NPAS3: variants seen among roughly 807,000 people sequenced by gnomAD.
NPAS3 encodes neuronal PAS domain-containing protein 3.
A neutral mutation model predicts 73.1 loss-of-function variants in NPAS3; 14 were observed. The observed-to-expected ratio is 0.19, with a 90% CI of 0.13 to 0.30. The LOEUF (loss-of-function observed/expected upper bound fraction) is 0.30. NPAS3 is among the 10% of genes least tolerant of loss of function. The pLI is 1.00. For missense variants in NPAS3, 1,096 were observed against 1,250.0 expected (o/e 0.88, Z 1.86); for synonymous variants, 620 against 541.5 (o/e 1.14, Z -2.01).
intron 6 of NPAS3, among the ~76,000 whole-genome samples, chr14:33,692,592 C>A (rs1406880491): frequency 6.6e-6 from 1 of 151,996 alleles, no homozygotes; most frequent in African/African-American, 2.4e-5. Flanking sequence ...TAGAGAACCA[C>A]AAAAGCTTAC....
chr14:33,700,032 ACTAACTTGTTCCCT>A (rs1457277440), intron 6 of NPAS3, among the ~76,000 whole-genome samples: 4 of 152,172 alleles, frequency 2.6e-5, no homozygotes, highest in Non-Finnish European at 5.9e-5. Flanking sequence ...CAAACTTCAT[ACTAACTTGTTCCCT>A]CTGGGGAAGG....
intron 5 of NPAS3, among the ~76,000 whole-genome samples, chr14:33,644,400 G>A (rs2058763486): frequency 6.6e-6 from 1 of 152,328 alleles, no homozygotes; most frequent in East Asian, 1.9e-4. Context: ...AGTTATGCCT[G>A]TGTAGTGAGC....
intron 3 of NPAS3, 190 bp downstream of exon 3, chr14:33,215,616 T>G (rs368233915): frequency 5.4e-6 from 4 of 747,448 alleles, no homozygotes; most frequent in Non-Finnish European, 7.2e-6. Flanking sequence ...TTTTCTATTT[T>G]ATTTTCAAAA....
At chr14:33,267,975 C>G (rs533932358) in intron 3 of NPAS3, among the ~76,000 whole-genome samples, 18 of 152,302 alleles carry the variant, frequency 1.2e-4, no homozygotes, top group Middle Eastern at 3.4e-3. Context: ...TTCATTTTAT[C>G]TCCTACTGTA....
chr14:33,721,981 G>A (rs1389494051), intron 6 of NPAS3, among the ~76,000 whole-genome samples: 3 of 152,250 alleles, frequency 2.0e-5, no homozygotes, highest in East Asian at 3.9e-4. Context: ...CCCAGAACAA[G>A]GGCAACCATA....
At chr14:33,687,083 A>G (rs1307174478) in intron 6 of NPAS3, among the ~76,000 whole-genome samples, 2 of 152,200 alleles carry the variant, frequency 1.3e-5, no homozygotes, top group African/African-American at 4.8e-5. Context: ...TGGAATTAAG[A>G]TAACATTTAG....
intron 7 of NPAS3, among the ~76,000 whole-genome samples, chr14:33,747,135 A>G (rs551442101): frequency 4.6e-5 from 7 of 152,102 alleles, no homozygotes; most frequent in Admixed American, 3.3e-4. Flanking sequence ...AGACACATGC[A>G]CACGTATGTT....
chr14:33,331,293 C>T (rs556691451), intron 3 of NPAS3, among the ~76,000 whole-genome samples: 13 of 152,200 alleles, frequency 8.5e-5, no homozygotes, highest in South Asian at 4.2e-4. Context: ...AAAGGGGGGC[C>T]GCTTCTTTAA....
intron 3 of NPAS3, among the ~76,000 whole-genome samples, chr14:33,276,410 G>A (rs1225422172): frequency 6.6e-6 from 1 of 152,098 alleles, no homozygotes; most frequent in East Asian, 1.9e-4. Context: ...AGAAGGAAAT[G>A]CAAAATCAAC....
At chr14:33,162,836 C>A (rs1443110294) in intron 2 of NPAS3, among the ~76,000 whole-genome samples, 1 of 152,178 alleles carries the variant, frequency 6.6e-6, no homozygotes, top group African/African-American at 2.4e-5. Context: ...TATTTTTCCT[C>A]CAGACATCAT....
chr14:33,780,176 C>A (rs969068650), intron 9 of NPAS3, among the ~76,000 whole-genome samples: 1 of 152,224 alleles, frequency 6.6e-6, no homozygotes, highest in African/African-American at 2.4e-5. Flanking sequence ...ATTCTACTCC[C>A]AACACGGAGT....
intron 4 of NPAS3, among the ~76,000 whole-genome samples, chr14:33,523,677 G>A (rs1053680857): frequency 7.9e-5 from 12 of 151,184 alleles, no homozygotes; most frequent in African/African-American, 2.7e-4. Flanking sequence ...CTATTCTGGA[G>A]GCTGAGGCAA....
intron 2 of NPAS3, among the ~76,000 whole-genome samples, chr14:33,213,012 G>T (rs773953070): frequency 1.3e-5 from 2 of 152,160 alleles, no homozygotes; most frequent in Non-Finnish European, 2.9e-5. Flanking sequence ...ATTGGGAAAT[G>T]GCATATAAAA....
chr14:33,242,593 G>A (rs538770421), intron 3 of NPAS3, among the ~76,000 whole-genome samples: 4 of 152,180 alleles, frequency 2.6e-5, no homozygotes, highest in African/African-American at 9.6e-5. Context: ...GAAGGTAAGC[G>A]AGAAGAGAGG....
At chr14:33,588,641 T>A (rs2139928506) in intron 5 of NPAS3, among the ~76,000 whole-genome samples, 1 of 152,218 alleles carries the variant, frequency 6.6e-6, no homozygotes, top group East Asian at 1.9e-4. Context: ...TGAGATGGAG[T>A]CTCACTCTGT....
chr14:33,672,543 CTATT>C (rs374219818), intron 5 of NPAS3, among the ~76,000 whole-genome samples: 257 of 152,244 alleles, frequency 1.7e-3, no homozygotes, highest in African/African-American at 6.0e-3. Flanking sequence ...GATTGGAGCT[CTATT>C]TATTTTTCCA....
At chr14:33,776,610 C>T (rs1487719830) in intron 8 of NPAS3, among the ~76,000 whole-genome samples, 1 of 139,744 alleles carries the variant, frequency 7.2e-6, no homozygotes, top group African/African-American at 2.6e-5. Context: ...CATTATTTCC[C>T]ATCTACAGAT....
Position 33,352,383 on chromosome 14 carries a change from C to T in NPAS3, c.386-14803C>T, listed in dbSNP as rs917429284. On this transcript the variant is annotated intron_variant, in intron 3 of 11. Transcript: ENST00000356141. ...GTCAGCACTCATTTTTGTTTTGCTA[C>T]AGAGAGATTAAAAATTAAGATTGAA... Among the ~76,000 whole-genome samples, 5 of 152,280 alleles carry T rather than the reference C, an allele frequency of 3.3e-5. No homozygotes were observed. The East Asian group carries it at 5.8e-4, about 18-fold the overall frequency.
intron 1 of NPAS3, among the ~76,000 whole-genome samples, chr14:32,957,036 T>A (rs1266445377): frequency 6.6e-6 from 1 of 152,194 alleles, no homozygotes; most frequent in Non-Finnish European, 1.5e-5. Context: ...CTTAGCATGA[T>A]GATGATTTTA....
Sources: gnomAD v4.1 joint callset for allele counts (sites outside exome capture counted in the v4.1 genomes callset) on GRCh38, gnomAD v4.1.1 for gene constraint, MANE v1.5 for transcripts, NCBI Gene and HGNC (gene_info 2026-07-23, HGNC 2026-07-21) for gene names.